Variants in CLPX observed in about 807,000 individuals in gnomAD.
CLPX encodes the protein ATP-dependent clpX-like chaperone, mitochondrial.
A neutral mutation model predicts 76.4 loss-of-function variants in CLPX; 34 were observed. The observed-to-expected ratio is 0.45, with a 90% confidence interval of 0.34 to 0.59. The LOEUF (loss-of-function observed/expected upper bound fraction) is 0.59, where lower values mean the gene tolerates loss of function less well. Ranked by LOEUF, CLPX falls within the 20% of genes least tolerant of loss-of-function variation. CLPX has a pLI of 0.01. For synonymous variants in CLPX, 248 were observed against 270.9 expected (o/e 0.92, Z 0.83); for missense variants, 613 against 757.0 (o/e 0.81, Z 2.23).
chr15:65,155,495 A>T (rs2414876), intron 10 of CLPX, among the ~76,000 whole-genome samples, 197 bp downstream of exon 10: 1 of 152,052 alleles, frequency 6.6e-6, no homozygotes, highest in African/African-American at 2.4e-5. Context: ...CAATCTGCCC[A>T]CCTTGGCCTC....
chr15:65,182,989 C>G (rs1465536773), intron 1 of CLPX, among the ~76,000 whole-genome samples: 1 of 151,268 alleles, frequency 6.6e-6, no homozygotes, highest in East Asian at 1.9e-4. Context: ...ATGGCAAAAT[C>G]CCGTCTCTAC....
intron 6 of CLPX, among the ~76,000 whole-genome samples, chr15:65,160,623 T>TCTCTCTCTCTCACACACA (rs1219208926): frequency 1.3e-4 from 13 of 101,024 alleles, no homozygotes; most frequent in East Asian, 5.4e-4. Context: ...TCTCTCTCTC[T>TCTCTCTCTCTCACACACA]CACACACACA....
In CLPX at chr15:65,185,032, C is replaced by A. The variant is rs112969209; in HGVS notation, c.79+43G>T. ...CCCAACCATTGGCCAGTCCACCCCC[C>A]CCCCGACAGGCTGAGGGCTCAGGAG... On this transcript the variant is annotated intron_variant, in intron 1 of 13. Transcript: ENST00000300107. 2.2e-4 allele frequency: 338 copies of A among 1,511,080 alleles called. 1 individual carries two copies. The highest frequency in any genetic ancestry group is 1.0e-3 in the Middle Eastern group (6 of 5,888). 93.6% of individuals were successfully genotyped at this position (1,511,080 alleles called of 1,614,324 possible).
intron 1 of CLPX, among the ~76,000 whole-genome samples, chr15:65,184,680 C>T (rs1392527040): frequency 6.6e-6 from 1 of 152,216 alleles, no homozygotes; most frequent in Admixed American, 6.5e-5. Context: ...AGGGGGATCC[C>T]GGCCAGGCTG....
intron 3 of CLPX, among the ~76,000 whole-genome samples, chr15:65,167,560 A>G (rs1045398565): frequency 6.6e-6 from 1 of 152,080 alleles, no homozygotes; most frequent in Non-Finnish European, 1.5e-5. Flanking sequence ...TAAAAAATGT[A>G]TATTCTTTAC....
At chr15:65,153,685 T>C in intron 11 of CLPX, 46 bp from the exon 12 acceptor site, 2 of 1,162,816 alleles carry the variant, frequency 1.7e-6, no homozygotes. Context: ...TGTTAATTTG[T>C]ACCACCAGAA....
chr15:65,151,769 ACAAG>A (rs1198320932), intron 13 of CLPX, among the ~76,000 whole-genome samples: 1 of 152,214 alleles, frequency 6.6e-6, no homozygotes, highest in Non-Finnish European at 1.5e-5. Flanking sequence ...ATCTTGGAAC[ACAAG>A]CAAACATAAA....
At chr15:65,181,061 T>A (rs2088162617) in intron 1 of CLPX, among the ~76,000 whole-genome samples, 3 of 151,750 alleles carry the variant, frequency 2.0e-5, no homozygotes, top group Admixed American at 6.6e-5. Context: ...TAGCTGGGTG[T>A]GCTAGCAGGC....
intron 13 of CLPX, 27 bp from the exon 14 acceptor site, chr15:65,150,940 T>C (rs1054986600): frequency 2.6e-6 from 4 of 1,525,208 alleles, no homozygotes; most frequent in Non-Finnish European, 2.7e-6. Flanking sequence ...TGTTTGTTTT[T>C]TTAAAATAAA....
rs2087689715 is a variant in CLPX, at chr15:65,149,310, C to T, written c.*1513G>A. 2 of 176,528 alleles carry T rather than the reference C, an allele frequency of 1.1e-5. No individual in the cohort carries two copies. The highest frequency in any genetic ancestry group is 1.2e-5 in the Non-Finnish European group (1 of 82,862). The allele number at this position is 176,528 out of a possible 1,614,324, so 10.9% of individuals were successfully genotyped here. A position where few individuals can be genotyped will look rare whatever the true frequency, so the allele number is the denominator to read the frequency against. On this transcript the variant is annotated 3_prime_UTR_variant, in exon 14 of 14. Transcript: ENST00000300107. Reference sequence around the variant, plus strand: ...GCAACATGGCGAAACCCCGTCTCTACTAAAAATACAAAAAATTAGCCAGGT... The same window carrying T: ...GCAACATGGCGAAACCCCGTCTCTATTAAAAATACAAAAAATTAGCCAGGT...
At chr15:65,168,883 G>A (rs1029883080) in intron 3 of CLPX, among the ~76,000 whole-genome samples, 26 of 150,374 alleles carry the variant, frequency 1.7e-4, no homozygotes, top group African/African-American at 6.3e-4. Context: ...TTGAGACAGG[G>A]TATCGCTCTG....
Position 65,149,531 on chromosome 15 carries a change from T to C in CLPX, c.*1292A>G. On this transcript the variant is annotated 3_prime_UTR_variant, in exon 14 of 14. Coordinates refer to ENST00000300107, the MANE Select transcript of CLPX (RefSeq NM_006660.5). The stretch of plus-strand genomic sequence containing the variant: ...TCTGAAGATTTAAGCCAGACTTCAA[T>C]TCCATGTACTCACCCATAGTACTAA... 2.3e-6 allele frequency: 1 copy of C among 434,916 alleles called. No homozygotes were observed. The highest frequency in any genetic ancestry group is 4.5e-6 in the Non-Finnish European group (1 of 220,348). The allele number at this position is 434,916 out of a possible 1,614,324, so 26.9% of individuals were successfully genotyped here. A position where few individuals can be genotyped will look rare whatever the true frequency, so the allele number is the denominator to read the frequency against.
Position 65,153,561 on chromosome 15 carries a change from G to C in CLPX, c.1690C>G (p.Leu564Val). Reference sequence around the variant, plus strand: ...TGCCAACTCACCATTATGGACCGAAGGCCTCGTGCACCTGTTTTTCGTTCT... The same window carrying C: ...TGCCAACTCACCATTATGGACCGAACGCCTCGTGCACCTGTTTTTCGTTCT... ...ALERKTGARG[L>V]RSIMEKLLLE... Residue 564 changes from leucine to valine, a missense_variant, in exon 12 of 14, where the codon CTT (leucine) becomes GTT (valine). This residue lies in a region of CLPX where 450 missense variants were observed against 638.6 expected (regional missense o/e 0.70). Coordinates refer to ENST00000300107, the MANE Select transcript of CLPX (RefSeq NM_006660.5). The C allele has an allele frequency of 6.3e-7, 1 of 1,593,046 alleles. No individual in the cohort carries two copies. Among genetic ancestry groups the C allele is most frequent in the Non-Finnish European group, 8.6e-7 (1 of 1,168,604 alleles).
intron 3 of CLPX, among the ~76,000 whole-genome samples, chr15:65,173,203 C>T (rs544362538): frequency 1.3e-5 from 2 of 151,970 alleles, no homozygotes; most frequent in Non-Finnish European, 2.9e-5. Flanking sequence ...AATCTTGTCT[C>T]TACTAAAAAT....
chr15:65,169,825 G>C (rs1228648389), intron 3 of CLPX, among the ~76,000 whole-genome samples: 38 of 150,624 alleles, frequency 2.5e-4, no homozygotes, highest in Admixed American at 2.5e-3. Flanking sequence ...GTGCAATCTC[G>C]GCTTACTGCA....
intron 7 of CLPX, 52 bp from the exon 8 acceptor site, chr15:65,157,962 A>C: frequency 1.4e-6 from 2 of 1,459,914 alleles, no homozygotes; most frequent in Non-Finnish European, 1.8e-6. Flanking sequence ...TTGGCACACA[A>C]TTTTTCAATA....
intron 6 of CLPX, among the ~76,000 whole-genome samples, chr15:65,162,054 C>G (rs2087861792): frequency 6.6e-6 from 1 of 152,082 alleles, no homozygotes; most frequent in Non-Finnish European, 1.5e-5. Flanking sequence ...CTATGACACC[C>G]CTGGAACCTC....
At chr15:65,178,838 A>C in intron 3 of CLPX, 96 bp downstream of exon 3, 1 of 671,928 alleles carries the variant, frequency 1.5e-6, no homozygotes. Context: ...CACCTGGCCT[A>C]TATTTATACA....
intron 7 of CLPX, 115 bp from the exon 8 acceptor site, chr15:65,158,025 A>G (rs2140618556): frequency 1.2e-6 from 1 of 800,612 alleles, no homozygotes; most frequent in African/African-American, 1.8e-5. Flanking sequence ...CAATTGCTAC[A>G]TCCTTCCTCT....
Sources: gnomAD v4.1 joint callset for allele counts (sites outside exome capture counted in the v4.1 genomes callset) on GRCh38, gnomAD v4.1.1 for gene constraint, gnomAD v4.1.1 regional missense constraint, MANE v1.5 for transcripts, NCBI Gene and HGNC (gene_info 2026-07-23, HGNC 2026-07-21) for gene names.